Variants in KPNA6 observed in about 807,000 individuals in gnomAD.
KPNA6 encodes karyopherin subunit alpha 6.
In KPNA6, 9 loss-of-function variants were observed where a neutral mutation model predicts 72.0. The ratio of observed to expected loss-of-function variants is 0.13; its 90% CI spans 0.08 to 0.22. KPNA6 has a LOEUF of 0.22. Among genes scored for constraint, KPNA6 ranks in the 10% least tolerant of loss-of-function variants. KPNA6 has a pLI of 1.00. For synonymous variants in KPNA6, 219 were observed against 242.1 expected (o/e 0.90, Z 0.89); for missense variants, 374 against 655.7 (o/e 0.57, Z 4.69).
chr1:32,157,516 A>C lies in KPNA6; in HGVS notation c.331+71A>C, dbSNP rs887929959. On this transcript the variant is annotated intron_variant, in intron 4 of 13. Transcript: ENST00000373625. ...TCTTTTCTCTTCACTGATGTCATCA[A>C]CTTACACGTGCCCTCACTCATTCTG... 12 of 1,090,554 alleles carry C rather than the reference A, an allele frequency of 1.1e-5. No individual in the cohort carries two copies. The African/African-American group carries it at 1.9e-4, about 17-fold the overall frequency. The allele number at this position is 1,090,554 out of a possible 1,614,324, so 67.6% of individuals were successfully genotyped here. A position where few individuals can be genotyped will look rare whatever the true frequency, so the allele number is the denominator to read the frequency against.
chr1:32,142,225 C>T (rs1641851536), intron 1 of KPNA6, among the ~76,000 whole-genome samples: 1 of 143,464 alleles, frequency 7.0e-6, no homozygotes, highest in South Asian at 2.2e-4. Flanking sequence ...CCCTGCATTC[C>T]TGCCTGGGTG....
chr1:32,121,597 G>A (rs1193496882), intron 1 of KPNA6, among the ~76,000 whole-genome samples: 1 of 152,142 alleles, frequency 6.6e-6, no homozygotes, highest in Non-Finnish European at 1.5e-5. Flanking sequence ...GCTGGCCAAG[G>A]TAGATCAGCT....
chr1:32,131,613 C>CAT (rs747109640), intron 1 of KPNA6, among the ~76,000 whole-genome samples: 56 of 151,114 alleles, frequency 3.7e-4, no homozygotes, highest in Non-Finnish European at 5.9e-4. Context: ...TATACACACA[C>CAT]ATATATATAC....
At chr1:32,141,095 G>A (rs75316318) in intron 1 of KPNA6, among the ~76,000 whole-genome samples, 6,177 of 152,178 alleles carry the variant, frequency 0.041, 169 homozygotes, top group Non-Finnish European at 0.064. Flanking sequence ...CTTCAGGTTT[G>A]TGGTTGGTTG....
intron 2 of KPNA6, among the ~76,000 whole-genome samples, chr1:32,155,937 T>G: frequency 6.9e-6 from 1 of 143,938 alleles, no homozygotes; most frequent in Non-Finnish European, 1.5e-5. Flanking sequence ...TTTTTTTTTT[T>G]GTACAGACAG....
chr1:32,109,392 G>GA (rs1158473929), intron 1 of KPNA6, among the ~76,000 whole-genome samples: 1 of 151,778 alleles, frequency 6.6e-6, no homozygotes, highest in Non-Finnish European at 1.5e-5. Flanking sequence ...GGCTGGTCTC[G>GA]AACCCCTGAC....
chr1:32,118,904 A>G (rs1641372320), intron 1 of KPNA6, among the ~76,000 whole-genome samples: 1 of 150,344 alleles, frequency 6.7e-6, no homozygotes, highest in Non-Finnish European at 1.5e-5. Context: ...TAAGTACTCA[A>G]TAAGTGATAA....
At chr1:32,170,682 C>T (rs752338210) in intron 13 of KPNA6, 25 bp from the exon 14 acceptor site, 69 of 1,601,660 alleles carry the variant, frequency 4.3e-5, no homozygotes, top group Non-Finnish European at 5.4e-5. Flanking sequence ...TCACACTTCC[C>T]TCTCCTTCCT....
At chr1:32,138,948 G>C (rs188120477) in intron 1 of KPNA6, among the ~76,000 whole-genome samples, 1 of 152,058 alleles carries the variant, frequency 6.6e-6, no homozygotes, top group Admixed American at 6.6e-5. Flanking sequence ...GGAGGAAATC[G>C]TGGTTTCTGG....
intron 1 of KPNA6, among the ~76,000 whole-genome samples, chr1:32,110,179 C>G (rs1256275660): frequency 6.6e-6 from 1 of 151,044 alleles, no homozygotes; most frequent in East Asian, 2.0e-4. Context: ...ATTTTCCTGC[C>G]TCAGCCTCCT....
At chr1:32,148,244 A>G (rs974841353) in intron 1 of KPNA6, among the ~76,000 whole-genome samples, 7 of 151,964 alleles carry the variant, frequency 4.6e-5, no homozygotes, top group Non-Finnish European at 1.5e-5. Context: ...TGCTGGGATT[A>G]CAAGTGCGTT....
chr1:32,117,652 AAC>A (rs1641352279), intron 1 of KPNA6, among the ~76,000 whole-genome samples: 2 of 152,102 alleles, frequency 1.3e-5, no homozygotes, highest in African/African-American at 2.4e-5. Flanking sequence ...ACAATAAAAA[AAC>A]ACACAGTATC....
At chr1:32,124,600 G>C (rs1641499317) in intron 1 of KPNA6, among the ~76,000 whole-genome samples, 1 of 150,644 alleles carries the variant, frequency 6.6e-6, no homozygotes, top group South Asian at 2.1e-4. Flanking sequence ...TCTGCCTCCT[G>C]GGTTCATACA....
intron 1 of KPNA6, among the ~76,000 whole-genome samples, chr1:32,147,018 G>T (rs1641941085): frequency 6.6e-6 from 1 of 151,788 alleles, no homozygotes; most frequent in Admixed American, 6.6e-5. Context: ...ACCACGTCCG[G>T]CTAATTTTTA....
intron 1 of KPNA6, among the ~76,000 whole-genome samples, chr1:32,129,878 C>T (rs1341425885): frequency 1.3e-5 from 2 of 152,148 alleles, no homozygotes; most frequent in African/African-American, 2.4e-5. Flanking sequence ...TGGGAGCACA[C>T]TCCTTCCAGG....
At chr1:32,145,972 G>GT (rs1291147339) in intron 1 of KPNA6, among the ~76,000 whole-genome samples, 1 of 152,186 alleles carries the variant, frequency 6.6e-6, no homozygotes, top group African/African-American at 2.4e-5. Flanking sequence ...CAGAGATAAT[G>GT]TTTTATATGA....
At chr1:32,132,539 C>T (rs907327956) in intron 1 of KPNA6, among the ~76,000 whole-genome samples, 5 of 152,342 alleles carry the variant, frequency 3.3e-5, no homozygotes, top group African/African-American at 1.2e-4. Flanking sequence ...ATCTGCCTGC[C>T]TCAACCTCCC....
chr1:32,166,624 CAA>C (rs561653103), intron 11 of KPNA6, among the ~76,000 whole-genome samples: 15 of 39,028 alleles, frequency 3.8e-4, no homozygotes, highest in Admixed American at 1.2e-3. Context: ...GACTCCGTCT[CAA>C]AAAAAAAAAA....
intron 6 of KPNA6, among the ~76,000 whole-genome samples, chr1:32,160,250 A>G (rs1642212999): frequency 6.7e-6 from 1 of 148,732 alleles, no homozygotes; most frequent in South Asian, 2.1e-4. Flanking sequence ...CAGTGAGCAG[A>G]GATTGTGCCA....
Sources: gnomAD v4.1 joint callset for allele counts (sites outside exome capture counted in the v4.1 genomes callset) on GRCh38, gnomAD v4.1.1 for gene constraint, MANE v1.5 for transcripts, NCBI Gene and HGNC (gene_info 2026-07-23, HGNC 2026-07-21) for gene names.